Variants in PTPRO observed in about 807,000 individuals in gnomAD.
PTPRO encodes protein tyrosine phosphatase receptor type O.
A neutral mutation model predicts 145.2 loss-of-function variants in PTPRO; 62 were observed. The ratio of observed to expected loss-of-function variants is 0.43; its 90% CI spans 0.35 to 0.53. The LOEUF is 0.53. PTPRO is among the 20% of genes least tolerant of loss of function. The probability of loss-of-function intolerance (pLI) is 0.01; values close to 1 mark genes in which losing one functional copy is unlikely to be tolerated. For synonymous variants in PTPRO, 565 were observed against 514.7 expected (o/e 1.10, Z -1.32); for missense variants, 1,345 against 1,482.7 (o/e 0.91, Z 1.53).
intron 9 of PTPRO, among the ~76,000 whole-genome samples, chr12:15,517,779 A>T (rs984851524): frequency 2.0e-5 from 3 of 152,214 alleles, no homozygotes; most frequent in African/African-American, 4.8e-5. Flanking sequence ...GGTCATGCTG[A>T]TGCAAGAGGT....
intron 17 of PTPRO, among the ~76,000 whole-genome samples, chr12:15,560,774 C>T (rs961165035): frequency 2.0e-5 from 3 of 151,966 alleles, no homozygotes; most frequent in Admixed American, 6.6e-5. Context: ...AATTTTCCCC[C>T]GCAATCCTGC....
At chr12:15,562,740 T>TA (rs1943804792) in intron 17 of PTPRO, among the ~76,000 whole-genome samples, 1 of 98,158 alleles carries the variant, frequency 1.0e-5, no homozygotes, top group Non-Finnish European at 2.4e-5. Flanking sequence ...CAGTGTTAAA[T>TA]CTTTTTTTTT....
chr12:15,468,343 G>A (rs253820), intron 1 of PTPRO, among the ~76,000 whole-genome samples: 3,191 of 152,178 alleles, frequency 0.021, 122 homozygotes, highest in East Asian at 0.14. Flanking sequence ...TCTTCCCATC[G>A]CCTTTAGCAT....
Position 15,596,742 on chromosome 12 carries a change from AAAAATTGTCTT to A in PTPRO, c.*672_*682del, listed in dbSNP as rs1319284992. Reference sequence around the variant, plus strand: ...ATTCAGCTTCAAAGTAGAGTAGAAAAAAAATTGTCTTAACTGTTCTAGTTCTTGATGGTTTT... The same window carrying A: ...ATTCAGCTTCAAAGTAGAGTAGAAAAAACTGTTCTAGTTCTTGATGGTTTT... On this transcript the variant is annotated 3_prime_UTR_variant, in exon 27 of 27. Transcript: ENST00000281171. 1.3e-5 allele frequency: 2 copies of A among 152,300 alleles called. No homozygotes were observed. Among genetic ancestry groups the A allele is most frequent in the African/African-American group, 4.8e-5 (2 of 41,466 alleles). 9.4% of individuals were successfully genotyped at this position (152,300 alleles called of 1,614,324 possible). A position where few individuals can be genotyped will look rare whatever the true frequency, so the allele number is the denominator to read the frequency against.
chr12:15,361,659 G>A (rs751884732), intron 1 of PTPRO, among the ~76,000 whole-genome samples: 4 of 152,012 alleles, frequency 2.6e-5, no homozygotes, highest in Non-Finnish European at 5.9e-5. Flanking sequence ...TTTAGTTTGC[G>A]GAAGAGCAGA....
At chr12:15,438,651 C>CA (rs1365355894) in intron 1 of PTPRO, among the ~76,000 whole-genome samples, 1 of 151,334 alleles carries the variant, frequency 6.6e-6, no homozygotes, top group African/African-American at 2.4e-5. Context: ...CCCAATATGG[C>CA]AAAAATAAAT....
intron 1 of PTPRO, among the ~76,000 whole-genome samples, chr12:15,458,463 C>G (rs1941228735): frequency 6.6e-6 from 1 of 151,934 alleles, no homozygotes; most frequent in Non-Finnish European, 1.5e-5. Context: ...GTGAAATTCC[C>G]ATAATGCATA....
At chr12:15,395,560 T>C (rs1345251903) in intron 1 of PTPRO, among the ~76,000 whole-genome samples, 1 of 152,142 alleles carries the variant, frequency 6.6e-6, no homozygotes, top group Non-Finnish European at 1.5e-5. Context: ...TTAGAATCAT[T>C]GGTCTCTTAT....
intron 9 of PTPRO, among the ~76,000 whole-genome samples, chr12:15,517,933 G>A (rs1425941721): frequency 1.3e-5 from 2 of 152,148 alleles, no homozygotes; most frequent in African/African-American, 2.4e-5. Context: ...ACCATTCTGG[G>A]GTCTGGAGGA....
chr12:15,400,690 T>C (rs1264510836), intron 1 of PTPRO, among the ~76,000 whole-genome samples: 4 of 152,266 alleles, frequency 2.6e-5, no homozygotes, highest in African/African-American at 9.6e-5. Flanking sequence ...TCTTATTCAT[T>C]TGTTCAACAG....
At chr12:15,438,396 C>A (rs1414222836) in intron 1 of PTPRO, among the ~76,000 whole-genome samples, 1 of 151,920 alleles carries the variant, frequency 6.6e-6, no homozygotes, top group East Asian at 1.9e-4. Flanking sequence ...AATAAAAATT[C>A]AAAGCGTGGA....
intron 12 of PTPRO, among the ~76,000 whole-genome samples, chr12:15,528,077 C>G (rs188226542): frequency 6.6e-6 from 1 of 152,094 alleles, no homozygotes; most frequent in East Asian, 1.9e-4. Context: ...CTGGAAAATA[C>G]GTTTGCTGAA....
intron 1 of PTPRO, among the ~76,000 whole-genome samples, chr12:15,420,356 T>A (rs927583454): frequency 2.0e-5 from 3 of 151,562 alleles, no homozygotes; most frequent in Non-Finnish European, 4.4e-5. Context: ...AGCCACTTCA[T>A]ACCTAATCCT....
intron 23 of PTPRO, 102 bp downstream of exon 23, chr12:15,581,903 GAC>G (rs1376378155): frequency 9.0e-6 from 13 of 1,449,152 alleles, no homozygotes; most frequent in African/African-American, 7.0e-5. Context: ...AGGAATTACA[GAC>G]ACACACACAA....
intron 1 of PTPRO, among the ~76,000 whole-genome samples, chr12:15,471,288 G>A (rs1387759042): frequency 1.3e-5 from 2 of 152,122 alleles, no homozygotes; most frequent in Non-Finnish European, 2.9e-5. Flanking sequence ...GCTGAGGTGG[G>A]AGGATCACTT....
chr12:15,442,688 A>G (rs2136362154), intron 1 of PTPRO, among the ~76,000 whole-genome samples: 1 of 152,308 alleles, frequency 6.6e-6, no homozygotes, highest in African/African-American at 2.4e-5. Context: ...TAGCAGTTTT[A>G]TACACCAATA....
chr12:15,366,033 C>T (rs1938350060), intron 1 of PTPRO, among the ~76,000 whole-genome samples: 1 of 152,162 alleles, frequency 6.6e-6, no homozygotes, highest in Non-Finnish European at 1.5e-5. Context: ...ACTTTAGTAA[C>T]TTGGCAGGAC....
chr12:15,406,606 AAC>A lies in PTPRO; in HGVS notation c.76-77366_76-77365del, dbSNP rs376850663. ...TTTCTCTAATGGACCTCCTTAGTTG[AAC>A]AGGCAATAATGCCATAATATGCGAT... On this transcript the variant is annotated intron_variant, in intron 1 of 26. Transcript: ENST00000281171. Among the ~76,000 whole-genome samples the A allele has an allele frequency of 1.9e-3, 290 of 152,310 alleles. 2 individuals carry two copies. Among genetic ancestry groups the A allele is most frequent in the African/African-American group, 6.6e-3 (276 of 41,576 alleles).
chr12:15,360,830 A>ATATACACGTGTG (rs1286987315), intron 1 of PTPRO, among the ~76,000 whole-genome samples: 2 of 90,816 alleles, frequency 2.2e-5, no homozygotes, highest in Non-Finnish European at 5.4e-5. Context: ...ATGTGTGTGT[A>ATATACACGTGTG]TATATATACG....
Sources: gnomAD v4.1 joint callset for allele counts (sites outside exome capture counted in the v4.1 genomes callset) on GRCh38, gnomAD v4.1.1 for gene constraint, MANE v1.5 for transcripts, NCBI Gene and HGNC (gene_info 2026-07-23, HGNC 2026-07-21) for gene names.